CANT1: variants seen among roughly 807,000 people sequenced by gnomAD.
CANT1 encodes the protein calcium activated nucleotidase 1.
Under a neutral mutation model 30.0 loss-of-function variants are expected in CANT1, and 26 were observed. That is an observed-to-expected ratio of 0.87 (90% CI 0.64 to 1.20). The LOEUF is 1.20. Ranked by LOEUF, CANT1 falls within the 50% of genes most tolerant of loss-of-function variation. The pLI is 0.00. For synonymous variants in CANT1, 246 were observed against 251.8 expected (o/e 0.98, Z 0.22); for missense variants, 518 against 563.0 (o/e 0.92, Z 0.81).
intron 4 of CANT1, 79 bp downstream of exon 4, chr17:78,994,939 A>T: frequency 4.2e-6 from 6 of 1,442,194 alleles, no homozygotes; most frequent in Non-Finnish European, 5.7e-6. Flanking sequence ...ACGGTTTTGG[A>T]GGCAAATGCA....
Position 78,995,370 on chromosome 17 carries a change from T to TTAGAC in CANT1, c.632-150_632-149insGTCTA. On this transcript the variant is annotated intron_variant, in intron 3 of 4. Coordinates refer to ENST00000392446, the MANE Select transcript of CANT1 (RefSeq NM_001159773.2). The surrounding 1 kb of genome is among the most constrained non-coding windows in gnomAD (Gnocchi z 5.7). The stretch of plus-strand genomic sequence containing the variant: ...GCCTCCCCTCCGGCCCGCACCTGGC[T>TTAGAC]CCCGCCCAGGGCCGGCCGGCTGCCC... 1 of 842,014 alleles carries TTAGAC rather than the reference T, an allele frequency of 1.2e-6. No individual in the cohort carries two copies. The highest frequency in any genetic ancestry group is 1.9e-6 in the Non-Finnish European group (1 of 527,286). 52.2% of individuals were successfully genotyped at this position (842,014 alleles called of 1,614,324 possible).
intron 1 of CANT1, among the ~76,000 whole-genome samples, chr17:79,006,657 C>T (rs925072615): frequency 6.6e-6 from 1 of 152,232 alleles, no homozygotes; most frequent in Non-Finnish European, 1.5e-5. Flanking sequence ...ATCGATGTTA[C>T]ACCTGGAGGA....
chr17:78,993,661 C>G lies in CANT1; in HGVS notation c.1095G>C (p.Glu365Asp), dbSNP rs1402271679. 6.2e-7 allele frequency: 1 copy of G among 1,614,050 alleles called. No homozygotes were observed. The highest frequency in any genetic ancestry group is 1.3e-5 in the African/African-American group (1 of 74,952). Residue 365 changes from glutamate to aspartate, a missense_variant, in exon 5 of 5, where the codon GAG becomes GAC. Glu to Asp is a conservative substitution (Grantham distance 45). Around this residue, in one of 3 missense-constraint regions of CANT1, gnomAD observed 221 missense variants for 211.8 expected, o/e 1.04. Transcript: ENST00000392446. The surrounding 1 kb of genome is among the most constrained non-coding windows in gnomAD (Gnocchi z 4.5). ...TGTAGGAGGCGACTCTGCCGCTGTCCTCCTCGGATTTGAGGGCCACAATGA... is the reference window on the plus strand; with the variant it reads ...TGTAGGAGGCGACTCTGCCGCTGTCGTCCTCGGATTTGAGGGCCACAATGA... ...DQIIVALKSEEDSGRVASYIM... is the reference protein window; with the variant it reads ...DQIIVALKSEDDSGRVASYIM...
rs1251270026 is a variant in CANT1, at chr17:78,997,028, C to T, written c.595G>A (p.Val199Met). 4 of 1,614,248 alleles carry T rather than the reference C, an allele frequency of 2.5e-6. No individual in the cohort carries two copies. The highest frequency in any genetic ancestry group is 2.5e-6 in the Non-Finnish European group (3 of 1,180,054). The change falls in exon 3 of 5, where the codon GTG (valine) becomes ATG (methionine). Residue 199 changes from valine to methionine, a missense_variant. Val to Met is a conservative substitution (Grantham distance 21). This residue lies in a region of CANT1 where 249 missense variants were observed against 268.8 expected (regional missense o/e 0.93). Transcript: ENST00000392446. The surrounding 1 kb of genome is among the most constrained non-coding windows in gnomAD (Gnocchi z 7.5). ...GTGCCGTCGCCGTCGGACAGAATCACCCAGGGCACGGCTTTGCTGCCTTCG... is the reference window on the plus strand; with the variant it reads ...GTGCCGTCGCCGTCGGACAGAATCATCCAGGGCACGGCTTTGCTGCCTTCG... The part of the protein sequence containing the change: ...QIEGSKAVPW[V>M]ILSDGDGTVE...
chr17:78,996,839 G>A lies in CANT1; in HGVS notation c.631+153C>T. On this transcript the variant is annotated intron_variant, in intron 3 of 4. Coordinates refer to ENST00000392446, the MANE Select transcript of CANT1 (RefSeq NM_001159773.2). The surrounding 1 kb of genome is among the most constrained non-coding windows in gnomAD (Gnocchi z 5.1). ...CTATGCTCCTGGCTAAGGGTAAGGG[G>A]GCCGCAGGTCAGAGCAAGAGGGAGA... 1 of 1,047,862 alleles carries A rather than the reference G, an allele frequency of 9.5e-7. No individual in the cohort carries two copies. The highest frequency in any genetic ancestry group is 1.5e-6 in the Non-Finnish European group (1 of 678,822). 64.9% of individuals were successfully genotyped at this position (1,047,862 alleles called of 1,614,324 possible). A position where few individuals can be genotyped will look rare whatever the true frequency, so the allele number is the denominator to read the frequency against.
Position 78,995,384 on chromosome 17 carries a change from G to T in CANT1, c.632-163C>A. On this transcript the variant is annotated intron_variant, in intron 3 of 4. Transcript: ENST00000392446. The surrounding 1 kb of genome is among the most constrained non-coding windows in gnomAD (Gnocchi z 5.7). ...CCGCACCTGGCTCCCGCCCAGGGCC[G>T]GCCGGCTGCCCTCCCCTCAGCTCCT... The T allele has an allele frequency of 2.8e-6, 2 of 719,578 alleles. No homozygotes were observed. The highest frequency in any genetic ancestry group is 2.4e-6 in the Non-Finnish European group (1 of 425,448). 44.6% of individuals were successfully genotyped at this position (719,578 alleles called of 1,614,324 possible).
At chr17:79,009,055 G>C (rs2071649255) in intron 1 of CANT1, among the ~76,000 whole-genome samples, 1 of 152,172 alleles carries the variant, frequency 6.6e-6, no homozygotes, top group Non-Finnish European at 1.5e-5. Flanking sequence ...GGTGGGAGGG[G>C]GTCATTCCCA....
rs1464863360 is a variant in CANT1, at chr17:78,996,784, A to G, written c.631+208T>C. ...CCTCTAGCGATAAGCTCTTCCTCCT[A>G]GAAACTGCTCAGTGTGAAGTGACAG... On this transcript the variant is annotated intron_variant, in intron 3 of 4. Coordinates refer to ENST00000392446, the MANE Select transcript of CANT1 (RefSeq NM_001159773.2). The surrounding 1 kb of genome is among the most constrained non-coding windows in gnomAD (Gnocchi z 5.1). Among the ~76,000 whole-genome samples, 1 of 152,186 alleles carries G rather than the reference A, an allele frequency of 6.6e-6. No individual in the cohort carries two copies. The highest frequency in any genetic ancestry group is 1.5e-5 in the Non-Finnish European group (1 of 68,016).
At chr17:79,005,216 AGGGAGTTAGGGAGGG>A (rs1159249596) in intron 1 of CANT1, among the ~76,000 whole-genome samples, 5 of 70,274 alleles carry the variant, frequency 7.1e-5, no homozygotes, top group East Asian at 5.0e-4. Flanking sequence ...GTTAGGGAGA[AGGGAGTTAGGGAGGG>A]GGGAGTTAGG....
At chr17:79,009,560 G>A (rs1281026204) in intron 1 of CANT1, 104 bp downstream of exon 1, 1 of 152,654 alleles carries the variant, frequency 6.6e-6, no homozygotes, top group African/African-American at 2.4e-5. Flanking sequence ...GACGGGTCAG[G>A]GGGCGGGACG....
At position 78,997,171 on chromosome 17, in the gene CANT1, T is replaced by C; in HGVS notation, c.452A>G (p.His151Arg). Residue 151 changes from histidine to arginine, a missense_variant, in exon 3 of 5, where the codon CAT becomes CGT. By Grantham distance (29) the His-to-Arg change is conservative. Around this residue, in one of 3 missense-constraint regions of CANT1, gnomAD observed 249 missense variants for 268.8 expected, o/e 0.93. Transcript: ENST00000392446. This position sits in a 1 kb window ranked among gnomAD's most constrained non-coding sequence, Gnocchi z 7.5. ...DKVAVEWDKDHGVLESHLAEK... is the reference protein window; with the variant it reads ...DKVAVEWDKDRGVLESHLAEK... ...CGCCAGGTGGGACTCCAGGACCCCATGGTCTTTGTCCCATTCCACGGCCAC... is the reference window on the plus strand; with the variant it reads ...CGCCAGGTGGGACTCCAGGACCCCACGGTCTTTGTCCCATTCCACGGCCAC... The C allele has an allele frequency of 3.7e-6, 6 of 1,614,194 alleles. No individual in the cohort carries two copies. The highest frequency in any genetic ancestry group is 2.2e-5 in the South Asian group (2 of 91,090).
Position 78,993,858 on chromosome 17 carries a change from G to A in CANT1, c.898C>T (p.Arg300Cys), listed in dbSNP as rs267606701. Residue 300 changes from arginine to cysteine, a missense_variant, in exon 5 of 5, where the codon CGC (arginine) becomes TGC (cysteine). Coordinates refer to ENST00000392446, the MANE Select transcript of CANT1 (RefSeq NM_001159773.2). The surrounding 1 kb of genome is among the most constrained non-coding windows in gnomAD (Gnocchi z 4.5). ...CTGTAGCGCTCCTGGCTGGCGCGGC[G>A]CGGCAGGAAGAACCAGCGCTGCAGC... ...DTLQRWFFLPRRASQERYSEK... is the reference protein window; with the variant it reads ...DTLQRWFFLPCRASQERYSEK... 1.3e-5 allele frequency: 21 copies of A among 1,597,814 alleles called. No homozygotes were observed. The highest frequency in any genetic ancestry group is 1.7e-4 in the Middle Eastern group (1 of 6,060).
At chr17:78,994,034 G>A in intron 4 of CANT1, 114 bp from the exon 5 acceptor site, 1 of 1,383,174 alleles carries the variant, frequency 7.2e-7, no homozygotes, top group South Asian at 1.4e-5. Flanking sequence ...GGGCCCACCA[G>A]CTCACAGCAA....
chr17:79,001,745 G>A (rs546128216), intron 1 of CANT1, among the ~76,000 whole-genome samples: 2 of 152,184 alleles, frequency 1.3e-5, no homozygotes, highest in African/African-American at 4.8e-5. Context: ...CTCCTCCCAG[G>A]CAGGTCTTCT....
Position 78,995,236 on chromosome 17 carries a change from T to G in CANT1, c.632-15A>C, listed in dbSNP as rs186671535. On this transcript the variant is annotated splice_polypyrimidine_tract_variant and intron_variant, in intron 3 of 4. Coordinates refer to ENST00000392446, the MANE Select transcript of CANT1 (RefSeq NM_001159773.2). This position sits in a 1 kb window ranked among gnomAD's most constrained non-coding sequence, Gnocchi z 5.7. ...GGCCTTGAAGCCTGGCCAAGCAGAG[T>G]GTCCTTAGGCCCCGCACCCAGCTCC... is the stretch of plus-strand genomic sequence containing the variant. 157 of 1,611,054 alleles carry G rather than the reference T, an allele frequency of 9.7e-5. No individual in the cohort carries two copies. In the East Asian group the frequency reaches 3.3e-3, roughly 34 times the overall value.
chr17:79,004,330 G>A (rs887744234), intron 1 of CANT1, among the ~76,000 whole-genome samples: 8 of 6,008 alleles, frequency 1.3e-3, no homozygotes, highest in Admixed American at 3.8e-3. Flanking sequence ...GGGAGAGGGA[G>A]GTTAGGGAGG....
Position 79,009,748 on chromosome 17 carries a change from G to C in CANT1, c.-231C>G, listed in dbSNP as rs1189497379. Reference sequence around the variant, plus strand: ...CTTGGCTGGGCTAACGGCCGGGACGGAGGAAGGTGGCCGACTTCCGCCCCG... The same window carrying C: ...CTTGGCTGGGCTAACGGCCGGGACGCAGGAAGGTGGCCGACTTCCGCCCCG... On this transcript the variant is annotated 5_prime_UTR_variant, in exon 1 of 5. Transcript: ENST00000392446. 4 of 151,684 alleles carry C rather than the reference G, an allele frequency of 2.6e-5. No homozygotes were observed. Among genetic ancestry groups the C allele is most frequent in the Admixed American group, 1.3e-4 (2 of 15,204 alleles). The allele number at this position is 151,684 out of a possible 1,614,324, so 9.4% of individuals were successfully genotyped here.
In CANT1 at chr17:78,992,817, T is replaced by C. The variant is rs1267132399; in HGVS notation, c.*733A>G. ...GCTCTGTGTGATAAGATTTGGTGAT[T>C]CCACTTTATAAGAAAGGAAACTGCT... On this transcript the variant is annotated 3_prime_UTR_variant, in exon 5 of 5. Coordinates refer to ENST00000392446, the MANE Select transcript of CANT1 (RefSeq NM_001159773.2). The C allele has an allele frequency of 7.0e-6, 3 of 426,782 alleles. No individual in the cohort carries two copies. The East Asian group carries it at 1.2e-4, about 17-fold the overall frequency. The allele number at this position is 426,782 out of a possible 1,614,324, so 26.4% of individuals were successfully genotyped here.
chr17:78,997,714 C>T lies in CANT1; in HGVS notation c.-22-70G>A. The T allele has an allele frequency of 2.9e-6, 4 of 1,372,628 alleles. No individual in the cohort carries two copies. Among genetic ancestry groups the T allele is most frequent in the Non-Finnish European group, 3.9e-6 (4 of 1,029,914 alleles). The allele number at this position is 1,372,628 out of a possible 1,614,324, so 85.0% of individuals were successfully genotyped here. A position where few individuals can be genotyped will look rare whatever the true frequency, so the allele number is the denominator to read the frequency against. On this transcript the variant is annotated intron_variant, in intron 2 of 4. Transcript: ENST00000392446. This position sits in a 1 kb window ranked among gnomAD's most constrained non-coding sequence, Gnocchi z 7.5. ...CCCAGTCACATCTTAGTTCCGGAAGCTGCAGGCGCTGGAGGCTGACTTTTC... is the reference window on the plus strand; with the variant it reads ...CCCAGTCACATCTTAGTTCCGGAAGTTGCAGGCGCTGGAGGCTGACTTTTC...
Sources: gnomAD v4.1 joint callset for allele counts (sites outside exome capture counted in the v4.1 genomes callset) on GRCh38, gnomAD v4.1.1 for gene constraint, gnomAD v4.1.1 regional missense constraint, Gnocchi (gnomAD v3.1) non-coding constraint, MANE v1.5 for transcripts, NCBI Gene and HGNC (gene_info 2026-07-23, HGNC 2026-07-21) for gene names.